The following KIF26B variants were observed in gnomAD, a reference collection of about 807,000 sequenced individuals.
KIF26B encodes kinesin-like protein KIF26B.
A neutral mutation model predicts 151.2 loss-of-function variants in KIF26B; 63 were observed. The ratio of observed to expected loss-of-function variants is 0.42; its 90% confidence interval spans 0.34 to 0.51. The LOEUF is 0.51. Ranked by LOEUF, KIF26B falls within the 20% of genes least tolerant of loss-of-function variation. The pLI is 0.07. For missense variants in KIF26B, 2,813 were observed against 2,913.6 expected (o/e 0.97, Z 0.79); for synonymous variants, 1,357 against 1,262.1 (o/e 1.08, Z -1.59).
chr1:245,156,738 C>T (rs530105063), intron 2 of KIF26B, 55 bp downstream of exon 2: 88 of 1,190,810 alleles, frequency 7.4e-5, no homozygotes, highest in South Asian at 1.1e-4. Flanking sequence ...GGCCGGGCCG[C>T]CACCCACAGC....
intron 10 of KIF26B, among the ~76,000 whole-genome samples, chr1:245,656,406 G>T (rs1307191821): frequency 2.0e-5 from 3 of 152,224 alleles, no homozygotes; most frequent in Admixed American, 2.0e-4. Flanking sequence ...CTTTGATATA[G>T]AGATGATCCA....
At chr1:245,231,348 G>C (rs942680184) in intron 2 of KIF26B, among the ~76,000 whole-genome samples, 1 of 151,760 alleles carries the variant, frequency 6.6e-6, no homozygotes, top group Non-Finnish European at 1.5e-5. Flanking sequence ...AACCCCGTCT[G>C]TACTAAAAAT....
chr1:245,554,594 A>G (rs1205587389), intron 5 of KIF26B, among the ~76,000 whole-genome samples: 1 of 152,054 alleles, frequency 6.6e-6, no homozygotes, highest in Non-Finnish European at 1.5e-5. Context: ...ACCTGTTATT[A>G]TGGCCATCAC....
chr1:245,230,711 C>A (rs943618302), intron 2 of KIF26B, among the ~76,000 whole-genome samples: 1 of 151,278 alleles, frequency 6.6e-6, no homozygotes, highest in African/African-American at 2.4e-5. Flanking sequence ...CCATTGCACT[C>A]CAGCCTGGGC....
chr1:245,639,178 AT>A (rs1434565564), intron 9 of KIF26B, among the ~76,000 whole-genome samples: 2 of 151,610 alleles, frequency 1.3e-5, no homozygotes, highest in Admixed American at 6.6e-5. Context: ...TCAGGTTTTT[AT>A]TTCTTCACAG....
At chr1:245,197,674 T>C (rs1231371687) in intron 2 of KIF26B, among the ~76,000 whole-genome samples, 3 of 152,150 alleles carry the variant, frequency 2.0e-5, no homozygotes, top group African/African-American at 7.2e-5. Context: ...ATGCTGATTA[T>C]AAAGAATGAA....
rs1469137088 is a variant in KIF26B, at chr1:245,184,047, G to GTTTTTTTTTTTTTTTTTTTTTT, written c.465+27366_465+27367insTTTTTTTTTTTTTTTTTTTTTT. Among the ~76,000 whole-genome samples the GTTTTTTTTTTTTTTTTTTTTTT allele has an allele frequency of 9.4e-3, 87 of 9,232 alleles. 4 individuals carry two copies. Among genetic ancestry groups the GTTTTTTTTTTTTTTTTTTTTTT allele is most frequent in the African/African-American group, 0.012 (32 of 2,762 alleles). The allele number at this position is 9,232 out of a possible 152,430, so 6.1% of individuals were successfully genotyped here. ...CCTGCAACAGGTATGGGTGGGAGTT[G>GTTTTTTTTTTTTTTTTTTTTTT]TTGTTTTTTTTTTTTTTTTTTTGAG... On this transcript the variant is annotated intron_variant, in intron 2 of 14. Transcript: ENST00000407071.
intron 4 of KIF26B, among the ~76,000 whole-genome samples, chr1:245,428,085 T>A (rs1658690411): frequency 1.3e-5 from 2 of 152,164 alleles, no homozygotes; most frequent in Non-Finnish European, 2.9e-5. Flanking sequence ...CCTCCTTCAC[T>A]GGTGGCCAAG....
At chr1:245,678,724 G>T (rs760552307) in intron 10 of KIF26B, among the ~76,000 whole-genome samples, 1 of 152,026 alleles carries the variant, frequency 6.6e-6, no homozygotes, top group African/African-American at 2.4e-5. Context: ...ATTGCTGGGC[G>T]TGGTGGTGCA....
At chr1:245,427,939 G>A (rs1291819545) in intron 4 of KIF26B, among the ~76,000 whole-genome samples, 1 of 152,114 alleles carries the variant, frequency 6.6e-6, no homozygotes, top group Non-Finnish European at 1.5e-5. Context: ...GAACCAGGGC[G>A]CCCAATTGTA....
At chr1:245,324,537 A>C (rs186838393) in intron 2 of KIF26B, among the ~76,000 whole-genome samples, 1 of 152,198 alleles carries the variant, frequency 6.6e-6, no homozygotes, top group Non-Finnish European at 1.5e-5. Context: ...TGTCGAGAAT[A>C]AAATGAAGCT....
rs146397123 is a variant in KIF26B at position 245,171,885 on chromosome 1, T to C, written c.465+15202T>C. Among the ~76,000 whole-genome samples the C allele has an allele frequency of 4.6e-5, 7 of 152,312 alleles. No individual in the cohort carries two copies. In the Middle Eastern group the frequency reaches 0.01, roughly 222 times the overall value. ...CTCGCTTGCACGATGGTGTTAATCA[T>C]AATAACTGCTTCACAGGCGTGTTTT... On this transcript the variant is annotated intron_variant, in intron 2 of 14. Transcript: ENST00000407071.
intron 2 of KIF26B, among the ~76,000 whole-genome samples, chr1:245,202,576 T>G (rs1476682757): frequency 6.6e-6 from 1 of 151,960 alleles, no homozygotes; most frequent in Admixed American, 6.6e-5. Context: ...CTGGCCAACA[T>G]GGTGAAACCG....
In KIF26B at chr1:245,488,577, A is replaced by G. The variant is rs1538469; in HGVS notation, c.1167-52190A>G. Among the ~76,000 whole-genome samples, 137,199 of 152,142 alleles carry G rather than the reference A, an allele frequency of 0.9. 63,091 individuals carry two copies. Among genetic ancestry groups the G allele is most frequent in the South Asian group, 0.99 (4,760 of 4,818 alleles). On this transcript the variant is annotated intron_variant, in intron 4 of 14. Coordinates refer to ENST00000407071, the MANE Select transcript of KIF26B (RefSeq NM_018012.4). The surrounding 1 kb of genome is among the most constrained non-coding windows in gnomAD (Gnocchi z 4.6). Reference sequence around the variant, plus strand: ...CGGGGACAGGCACCTCCTGGTCCACATCCATCCCTGGAATTAGATCGGAGC... The same window carrying G: ...CGGGGACAGGCACCTCCTGGTCCACGTCCATCCCTGGAATTAGATCGGAGC...
At chr1:245,647,305 G>A (rs1171878004) in intron 10 of KIF26B, among the ~76,000 whole-genome samples, 4 of 150,874 alleles carry the variant, frequency 2.7e-5, no homozygotes, top group African/African-American at 9.7e-5. Context: ...GGCACCTGTA[G>A]TCCCAGCTAC....
intron 5 of KIF26B, among the ~76,000 whole-genome samples, chr1:245,579,865 AAAG>A (rs1214040407): frequency 1.3e-5 from 2 of 152,034 alleles, no homozygotes; most frequent in Non-Finnish European, 2.9e-5. Context: ...AAAAAAAAAA[AAAG>A]AGCTTTGATT....
At position 245,685,692 on chromosome 1, in the gene KIF26B, C is replaced by T; in HGVS notation, c.2709C>T (p.Ser903=). The change falls in exon 12 of 15, where the codon AGC becomes AGT. Residue 903 remains serine, a synonymous_variant. Coordinates refer to ENST00000407071, the MANE Select transcript of KIF26B (RefSeq NM_018012.4). ...VPALQKTRGD[S]RPAEAGEAAA... ...CCCTGCAGAAGACCCGGGGCGACAG[C>T]CGGCCCGCAGAGGCAGGAGAGGCTG... is the stretch of plus-strand genomic sequence containing the variant. 1.2e-6 allele frequency: 2 copies of T among 1,612,978 alleles called. No homozygotes were observed. The highest frequency in any genetic ancestry group is 1.7e-6 in the Non-Finnish European group (2 of 1,179,800).
rs1668625860 is a variant in KIF26B, at chr1:245,166,988, A to G, written c.465+10305A>G. Among the ~76,000 whole-genome samples, 1 of 152,344 alleles carries G rather than the reference A, an allele frequency of 6.6e-6. No homozygotes were observed. Among genetic ancestry groups the G allele is most frequent in the Admixed American group, 6.5e-5 (1 of 15,292 alleles). On this transcript the variant is annotated intron_variant, in intron 2 of 14. Coordinates refer to ENST00000407071, the MANE Select transcript of KIF26B (RefSeq NM_018012.4). The surrounding 1 kb of genome is among the most constrained non-coding windows in gnomAD (Gnocchi z 4.5). The stretch of plus-strand genomic sequence containing the variant: ...ATTATTAATTTTTTAAATATGCAGA[A>G]CGATAAATATGTCTTAAGTGTTATA...
chr1:245,228,504 T>C (rs891313823), intron 2 of KIF26B, among the ~76,000 whole-genome samples: 1 of 150,528 alleles, frequency 6.6e-6, no homozygotes, highest in African/African-American at 2.5e-5. Context: ...AGGTGGAGGT[T>C]GCAGTGAGCC....
Sources: allele counts gnomAD v4.1 joint callset (sites outside exome capture counted in the v4.1 genomes callset), GRCh38; gene constraint gnomAD v4.1.1; non-coding constraint Gnocchi (gnomAD v3.1); transcripts MANE v1.5; gene names NCBI Gene and HGNC (gene_info 2026-07-23, HGNC 2026-07-21).